CLEC16A: variants seen among roughly 807,000 people sequenced by gnomAD.
CLEC16A encodes C-type lectin domain containing 16A, also known as protein CLEC16A.
CLEC16A carries 51 observed loss-of-function variants against 109.5 expected under a neutral mutation model. That is an observed-to-expected ratio of 0.47 (90% CI 0.37 to 0.59). The LOEUF (loss-of-function observed/expected upper bound fraction) is 0.59, where lower values mean the gene tolerates loss of function less well. CLEC16A is among the 20% of genes least tolerant of loss of function. The probability of loss-of-function intolerance (pLI) is 0.00; values close to 1 mark genes in which losing one functional copy is unlikely to be tolerated. For missense variants in CLEC16A, 1,339 were observed against 1,394.0 expected, an observed-to-expected ratio of 0.96 and a Z score of 0.63; for synonymous variants, 673 against 564.2, an observed-to-expected ratio of 1.19 and a Z score of -2.73.
chr16:11,123,935 A>G lies in CLEC16A; in HGVS notation c.2462A>G (p.Gln821Arg). The change falls in exon 21 of 24, where the codon CAG (glutamine) becomes CGG (arginine). Residue 821 changes from glutamine to arginine, a missense_variant. Around this residue, in one of 3 missense-constraint regions of CLEC16A, gnomAD observed 1,061 missense variants for 1,006.8 expected, o/e 1.05. Coordinates refer to ENST00000409790, the MANE Select transcript of CLEC16A (RefSeq NM_015226.3). ...GRIQARRMKMQRIAALLDLPI... is the reference protein window; with the variant it reads ...GRIQARRMKMRRIAALLDLPI... ...ATCCAGGCAAGGCGCATGAAGATGC[A>G]GAGAATAGCTGGTGAGTGGCTGGAC... The G allele has an allele frequency of 6.2e-7, 1 of 1,609,002 alleles. No homozygotes were observed. Among genetic ancestry groups the G allele is most frequent in the Admixed American group, 1.7e-5 (1 of 59,440 alleles).
At chr16:11,023,871 G>A (rs13335033) in intron 12 of CLEC16A, among the ~76,000 whole-genome samples, 2,045 of 152,308 alleles carry the variant, frequency 0.013, 33 homozygotes, top group African/African-American at 0.046. Flanking sequence ...ACAGACAGTG[G>A]GAGGATCAGA....
chr16:11,099,151 G>T (rs2050766256), intron 19 of CLEC16A, among the ~76,000 whole-genome samples: 1 of 152,222 alleles, frequency 6.6e-6, no homozygotes, highest in Non-Finnish European at 1.5e-5. Flanking sequence ...CCAGGTCAGG[G>T]AGCTCCAAGG....
Position 10,962,448 on chromosome 16 carries a change from T to TC in CLEC16A, c.210-3dup, listed in dbSNP as rs1201654475. The TC allele has an allele frequency of 6.2e-7, 1 of 1,613,886 alleles. No individual in the cohort carries two copies. Among genetic ancestry groups the TC allele is most frequent in the South Asian group, 1.1e-5 (1 of 91,074 alleles). ...AAGCCACTGATGCTTTTCCATTCTC[T>TC]CCCCAGCTTCTTCCTGGAGAAGAAT... On this transcript the variant is annotated splice_region_variant and splice_polypyrimidine_tract_variant and intron_variant, in intron 2 of 23. Coordinates refer to ENST00000409790, the MANE Select transcript of CLEC16A (RefSeq NM_015226.3).
rs969896683 is a variant in CLEC16A, at chr16:11,179,475, G to T, written c.*785G>T. 2.6e-5 allele frequency: 4 copies of T among 152,324 alleles called. No individual in the cohort carries two copies. The highest frequency in any genetic ancestry group is 1.3e-4 in the Admixed American group (2 of 15,306). 9.4% of individuals were successfully genotyped at this position (152,324 alleles called of 1,614,324 possible). A position where few individuals can be genotyped will look rare whatever the true frequency, so the allele number is the denominator to read the frequency against. ...AGCTGAGAGGGCTGAATGGTTTTCTGCTATAGCAGCCGAGAGGCCTCCCAT... is the reference window on the plus strand; with the variant it reads ...AGCTGAGAGGGCTGAATGGTTTTCTTCTATAGCAGCCGAGAGGCCTCCCAT... On this transcript the variant is annotated 3_prime_UTR_variant, in exon 24 of 24. Coordinates refer to ENST00000409790, the MANE Select transcript of CLEC16A (RefSeq NM_015226.3).
At position 11,045,125 on chromosome 16, in the gene CLEC16A, A is replaced by T. The variant is rs370471134; in HGVS notation, c.1815+1053A>T. Among the ~76,000 whole-genome samples the T allele has an allele frequency of 2.2e-3, 338 of 152,164 alleles. 1 individual carries two copies. Among genetic ancestry groups the T allele is most frequent in the African/African-American group, 7.7e-3 (320 of 41,506 alleles). ...TTTGGGAGGCTGCGGCGGTCAGATC[A>T]CAAGGGTCAGGAGACCAAGACCATT... On this transcript the variant is annotated intron_variant, in intron 16 of 23. Transcript: ENST00000409790.
intron 13 of CLEC16A, among the ~76,000 whole-genome samples, chr16:11,030,294 A>T (rs536256040): frequency 6.6e-6 from 1 of 152,310 alleles, no homozygotes; most frequent in East Asian, 1.9e-4. Flanking sequence ...CATATTTCCC[A>T]TATAATTATG....
At chr16:11,089,096 C>T (rs563663188) in intron 19 of CLEC16A, among the ~76,000 whole-genome samples, 1 of 152,276 alleles carries the variant, frequency 6.6e-6, no homozygotes, top group African/African-American at 2.4e-5. Flanking sequence ...TGCACACATA[C>T]GTATTCCTCT....
intron 22 of CLEC16A, among the ~76,000 whole-genome samples, chr16:11,139,281 G>A (rs779067598): frequency 1.3e-5 from 2 of 152,336 alleles, no homozygotes; most frequent in South Asian, 2.1e-4. Context: ...GGAGACACCA[G>A]TGGGTTCTGT....
chr16:11,099,894 G>A (rs1313647148), intron 19 of CLEC16A, among the ~76,000 whole-genome samples: 1 of 152,140 alleles, frequency 6.6e-6, no homozygotes, highest in Non-Finnish European at 1.5e-5. Flanking sequence ...CCTGTGCTGT[G>A]TTTAAGTGTC....
intron 12 of CLEC16A, among the ~76,000 whole-genome samples, chr16:11,021,730 A>G (rs1458995668): frequency 6.6e-6 from 1 of 152,178 alleles, no homozygotes; most frequent in East Asian, 1.9e-4. Context: ...CAGAGAGGTC[A>G]AGGCTGCAAT....
At chr16:11,132,240 C>CA (rs1240292823) in intron 22 of CLEC16A, among the ~76,000 whole-genome samples, 1 of 140,246 alleles carries the variant, frequency 7.1e-6, no homozygotes, top group East Asian at 2.1e-4. Context: ...ACCCACCCCC[C>CA]CCGCCCCCGC....
chr16:10,985,455 C>G (rs556830747), intron 10 of CLEC16A, among the ~76,000 whole-genome samples: 1 of 151,924 alleles, frequency 6.6e-6, no homozygotes, highest in South Asian at 2.1e-4. Context: ...TCAGATGAGG[C>G]GTGTTTACCG....
intron 19 of CLEC16A, among the ~76,000 whole-genome samples, chr16:11,077,471 CAAAAAAA>C (rs562378755): frequency 3.3e-5 from 2 of 61,316 alleles, no homozygotes; most frequent in African/African-American, 9.8e-5. Flanking sequence ...GACTCTGTCT[CAAAAAAA>C]AAAAAAAAAA....
chr16:11,015,064 C>A (rs1041292175), intron 11 of CLEC16A, among the ~76,000 whole-genome samples: 2 of 152,134 alleles, frequency 1.3e-5, no homozygotes, highest in Non-Finnish European at 2.9e-5. Context: ...AATTGGCAGA[C>A]CTATAAGGGT....
At chr16:11,144,943 G>A (rs1000000718) in intron 22 of CLEC16A, among the ~76,000 whole-genome samples, 5 of 152,142 alleles carry the variant, frequency 3.3e-5, no homozygotes, top group Admixed American at 2.0e-4. Context: ...GTGTCCTGGG[G>A]CTAACTCACT....
Position 11,043,674 on chromosome 16 carries a change from G to A in CLEC16A, c.1771-354G>A, listed in dbSNP as rs145266102. ...GAGGTCAGGAGTTCGAGACCAGCCT[G>A]GCCAACATGGTGAAGCCCCATCTCT... On this transcript the variant is annotated intron_variant, in intron 15 of 23. Transcript: ENST00000409790. 9.0e-3 allele frequency among the ~76,000 whole-genome samples: 1,369 copies of A among 152,196 alleles called. 20 individuals are homozygous for A. Among genetic ancestry groups the A allele is most frequent in the African/African-American group, 0.03 (1,261 of 41,508 alleles).
chr16:11,089,066 T>C (rs1032403317), intron 19 of CLEC16A, among the ~76,000 whole-genome samples: 1 of 152,174 alleles, frequency 6.6e-6, no homozygotes, highest in Non-Finnish European at 1.5e-5. Flanking sequence ...GGTGTCCTTC[T>C]GGACCAAGCT....
At position 11,181,941 on chromosome 16, in the gene CLEC16A, T is replaced by C. The variant is rs2068969477; in HGVS notation, c.*3251T>C. On this transcript the variant is annotated 3_prime_UTR_variant, in exon 24 of 24. Transcript: ENST00000409790. ...AGCATTTAATGTAGTCATCTTGACA[T>C]TGGGCCTACACTGTACGAGTTCCTT... 1 of 152,668 alleles carries C rather than the reference T, an allele frequency of 6.6e-6. No homozygotes were observed. Among genetic ancestry groups the C allele is most frequent in the South Asian group, 2.1e-4 (1 of 4,834 alleles). 9.5% of individuals were successfully genotyped at this position (152,668 alleles called of 1,614,324 possible). A position where few individuals can be genotyped will look rare whatever the true frequency, so the allele number is the denominator to read the frequency against.
intron 19 of CLEC16A, among the ~76,000 whole-genome samples, chr16:11,063,539 G>A (rs754317470): frequency 6.6e-6 from 1 of 152,054 alleles, no homozygotes; most frequent in Non-Finnish European, 1.5e-5. Flanking sequence ...GACTCCATGT[G>A]GTCTGCTAGG....
Sources: gnomAD v4.1 joint callset for allele counts (sites outside exome capture counted in the v4.1 genomes callset) on GRCh38, gnomAD v4.1.1 for gene constraint, gnomAD v4.1.1 regional missense constraint, MANE v1.5 for transcripts, NCBI Gene and HGNC (gene_info 2026-07-23, HGNC 2026-07-21) for gene names.